TNS1: variants seen among roughly 807,000 people sequenced by gnomAD.
TNS1 encodes tensin 1.
In TNS1, 62 loss-of-function variants were observed where a neutral mutation model predicts 168.6. The observed-to-expected ratio is 0.37, with a 90% CI of 0.30 to 0.45. The LOEUF is 0.45. Ranked by LOEUF, TNS1 falls within the 20% of genes least tolerant of loss-of-function variation. The pLI, the probability that TNS1 is intolerant of heterozygous loss-of-function variation, is 1.00. For synonymous variants in TNS1, 934 were observed against 933.2 expected (o/e 1.00, Z -0.02); for missense variants, 2,240 against 2,339.4 (o/e 0.96, Z 0.88).
At chr2:217,825,977 T>C (rs1943561691) in intron 22 of TNS1, among the ~76,000 whole-genome samples, 1 of 152,156 alleles carries the variant, frequency 6.6e-6, no homozygotes, top group Non-Finnish European at 1.5e-5. Flanking sequence ...CTGACCACAA[T>C]GTTGGAAACA....
chr2:217,971,447 T>C (rs1957772084), intron 3 of TNS1, among the ~76,000 whole-genome samples: 1 of 152,264 alleles, frequency 6.6e-6, no homozygotes. Flanking sequence ...ACTATGACAT[T>C]GCAATTTCTT....
chr2:218,010,996 A>G (rs1958701003), upstream of TNS1, among the ~76,000 whole-genome samples: 1 of 152,068 alleles, frequency 6.6e-6, no homozygotes, highest in Non-Finnish European at 1.5e-5. Context: ...ACTCAGTGTG[A>G]GGGCGCTCAG....
intron 19 of TNS1, among the ~76,000 whole-genome samples, chr2:217,844,723 G>A (rs1214237870): frequency 1.3e-5 from 2 of 152,098 alleles, no homozygotes; most frequent in Non-Finnish European, 2.9e-5. Flanking sequence ...CTATTTTAAA[G>A]TTCCAGTTCT....
At chr2:217,808,574 G>A in intron 31 of TNS1, 29 bp downstream of exon 31, 1 of 1,607,344 alleles carries the variant, frequency 6.2e-7, no homozygotes, top group South Asian at 1.1e-5. Flanking sequence ...AAAGCTGTGT[G>A]GGAGAGAAGC....
intron 22 of TNS1, chr2:217,830,067 G>C (rs1035319737): frequency 5.9e-6 from 5 of 850,676 alleles, no homozygotes; most frequent in Non-Finnish European, 4.2e-6. Flanking sequence ...GCCGATTTGC[G>C]CTGTCCACAG....
Position 217,848,746 on chromosome 2 carries a change from G to T in TNS1, c.1771C>A (p.Arg591Ser), listed in dbSNP as rs3815849. Residue 591 changes from arginine (R) to serine (S), a missense_variant, in exon 19 of 33, where the codon CGC (arginine) becomes AGC (serine). Arg to Ser is a moderately radical substitution (Grantham distance 110). Transcript: ENST00000682258. The part of the protein sequence containing the change: ...AMYHTQHLRS[R>S]PAGGSAVPSS... ...GGCACAGCCGAGCCCCCTGCTGGGC[G>T]GGACCTGAGGTGCTGGGTGTGGTAC... 44 of 1,614,202 alleles carry T rather than the reference G, an allele frequency of 2.7e-5. No homozygotes were observed. In the South Asian group the frequency reaches 4.5e-4, roughly 17 times the overall value.
At chr2:217,896,292 C>A (rs777102234) in intron 8 of TNS1, among the ~76,000 whole-genome samples, 2 of 152,220 alleles carry the variant, frequency 1.3e-5, no homozygotes, top group Admixed American at 6.5e-5. Context: ...ATCCTCAAAA[C>A]GTCATGTCCA....
chr2:217,813,789 G>A lies in TNS1; in HGVS notation c.4757C>T (p.Pro1586Leu), dbSNP rs762766252. The A allele has an allele frequency of 1.1e-5, 18 of 1,613,662 alleles. No individual in the cohort carries two copies. The highest frequency in any genetic ancestry group is 4.0e-5 in the African/African-American group (3 of 75,028). Residue 1586 changes from proline to leucine, a missense_variant, in exon 26 of 33, where the codon CCG (proline) becomes CTG (leucine). Pro to Leu is a moderately conservative substitution (Grantham distance 98, BLOSUM62 -3). Around this residue, in one of 2 missense-constraint regions of TNS1, gnomAD observed 2,131 missense variants for 2,171.2 expected, o/e 0.98. Coordinates refer to ENST00000682258, the MANE Select transcript of TNS1 (RefSeq NM_001387777.1). The surrounding 1 kb of genome is among the most constrained non-coding windows in gnomAD (Gnocchi z 4.0). Reference sequence around the variant, plus strand: ...ACTGTCGCGGATGATGAAGGCCCCCGGCTCCTGGTCCTTGAGGAGCGCGAT... The same window carrying A: ...ACTGTCGCGGATGATGAAGGCCCCCAGCTCCTGGTCCTTGAGGAGCGCGAT... The part of the protein sequence containing the change: ...QAIALLKDQE[P>L]GAFIIRDSHS...
rs746628388 is a variant in TNS1 at position 217,813,173 on chromosome 2, C to G, written c.4954+42G>C. On this transcript the variant is annotated intron_variant, in intron 27 of 32. Coordinates refer to ENST00000682258, the MANE Select transcript of TNS1 (RefSeq NM_001387777.1). This position sits in a 1 kb window ranked among gnomAD's most constrained non-coding sequence, Gnocchi z 4.0. ...GGAGGAACCCAGGACAGGACCAAGA[C>G]TCAGGCCAGACTGTAGAGATGGGGG... The G allele has an allele frequency of 6.7e-7, 1 of 1,499,966 alleles. No homozygotes were observed. Among genetic ancestry groups the G allele is most frequent in the Non-Finnish European group, 9.2e-7 (1 of 1,089,868 alleles). 92.9% of individuals were successfully genotyped at this position (1,499,966 alleles called of 1,614,324 possible). A position where few individuals can be genotyped will look rare whatever the true frequency, so the allele number is the denominator to read the frequency against.
At chr2:217,855,768 T>C (rs951424020) in intron 18 of TNS1, among the ~76,000 whole-genome samples, 1 of 152,146 alleles carries the variant, frequency 6.6e-6, no homozygotes, top group African/African-American at 2.4e-5. Flanking sequence ...CTGTCAGCCA[T>C]TGAGATACTC....
chr2:217,954,977 TACAC>T (rs369665264), intron 3 of TNS1, among the ~76,000 whole-genome samples: 66 of 150,450 alleles, frequency 4.4e-4, no homozygotes, highest in African/African-American at 1.6e-3. Context: ...TCCGTGAATG[TACAC>T]ACACACACAC....
intron 19 of TNS1, among the ~76,000 whole-genome samples, chr2:217,838,105 A>G (rs550326209): frequency 6.6e-6 from 1 of 152,360 alleles, no homozygotes; most frequent in East Asian, 1.9e-4. Flanking sequence ...TTCAGCCCCA[A>G]GGTTAAAATA....
At chr2:217,929,706 C>T (rs1956219955) in intron 3 of TNS1, among the ~76,000 whole-genome samples, 1 of 150,068 alleles carries the variant, frequency 6.7e-6, no homozygotes, top group Admixed American at 6.6e-5. Flanking sequence ...CACCCCCCAC[C>T]CGCCCCGGCC....
intron 3 of TNS1, among the ~76,000 whole-genome samples, chr2:217,924,314 TCACA>T (rs979087646): frequency 6.7e-6 from 1 of 149,350 alleles, no homozygotes; most frequent in Non-Finnish European, 1.5e-5. Flanking sequence ...TCTCTCTCTC[TCACA>T]CACACACACA....
chr2:217,966,424 A>G (rs1957643105), intron 3 of TNS1, among the ~76,000 whole-genome samples: 1 of 152,180 alleles, frequency 6.6e-6, no homozygotes, highest in Non-Finnish European at 1.5e-5. Flanking sequence ...CTTCTCCCCC[A>G]AAACCTACCT....
rs975132721 is a variant in TNS1, at chr2:217,808,744, G to A, written c.5274-73C>T. ...GCTTTTCCCCTCCTTCCACCAGCAG[G>A]TCAGGCCACCTTTCCACCATCTGTG... On this transcript the variant is annotated intron_variant, in intron 30 of 32. Transcript: ENST00000682258. The A allele has an allele frequency of 6.4e-6, 9 of 1,413,300 alleles. No individual in the cohort carries two copies. In the Admixed American group the frequency reaches 1.2e-4, roughly 19 times the overall value. The allele number at this position is 1,413,300 out of a possible 1,614,324, so 87.5% of individuals were successfully genotyped here. A position where few individuals can be genotyped will look rare whatever the true frequency, so the allele number is the denominator to read the frequency against.
chr2:217,963,688 C>T (rs573101000), intron 3 of TNS1, among the ~76,000 whole-genome samples: 1 of 142,440 alleles, frequency 7.0e-6, no homozygotes, highest in East Asian at 2.2e-4. Context: ...TTGATCTTTA[C>T]AAATTATATG....
chr2:217,918,077 C>T (rs551667512), intron 4 of TNS1, among the ~76,000 whole-genome samples: 13 of 152,240 alleles, frequency 8.5e-5, no homozygotes, highest in African/African-American at 1.7e-4. Context: ...AAACCTGTCA[C>T]GTAGGGCTGC....
chr2:217,920,561 G>A (rs1263803173), intron 3 of TNS1, among the ~76,000 whole-genome samples: 1 of 136,876 alleles, frequency 7.3e-6, no homozygotes, highest in South Asian at 2.2e-4. Context: ...ATAAGAAGAA[G>A]GATTTTTTTT....
Sources: gnomAD v4.1 joint callset for allele counts (sites outside exome capture counted in the v4.1 genomes callset) on GRCh38, gnomAD v4.1.1 for gene constraint, gnomAD v4.1.1 regional missense constraint, Gnocchi (gnomAD v3.1) non-coding constraint, MANE v1.5 for transcripts, NCBI Gene and HGNC (gene_info 2026-07-23, HGNC 2026-07-21) for gene names.